LRRC9: variants seen among roughly 807,000 people sequenced by gnomAD.
LRRC9 encodes leucine-rich repeat-containing protein 9.
A neutral mutation model predicts 63.2 loss-of-function variants in LRRC9; 122 were observed. The observed-to-expected ratio is 1.93, with a 90% confidence interval of 1.67 to 2.24. The LOEUF (loss-of-function observed/expected upper bound fraction) is 2.24, where lower values mean the gene tolerates loss of function less well. Ranked by LOEUF, LRRC9 falls within the 30% of genes most tolerant of loss-of-function variation. LRRC9 has a pLI of 0.00. For synonymous variants in LRRC9, 366 were observed against 213.1 expected (o/e 1.72, Z -6.25); for missense variants, 1,071 against 627.7 (o/e 1.71, Z -7.55).
intron 13 of LRRC9, among the ~76,000 whole-genome samples, chr14:59,975,860 T>C (rs1178024330): frequency 6.6e-6 from 1 of 152,196 alleles, no homozygotes; most frequent in Non-Finnish European, 1.5e-5. Flanking sequence ...CTCCAACCCC[T>C]GCCCACAGAC....
chr14:59,978,048 C>T (rs758407756), exon 15 of LRRC9: 30 of 701,206 alleles, frequency 4.3e-5, no homozygotes, highest in South Asian at 3.1e-4. Flanking sequence ...ACTGTGATTG[C>T]AGTGTTCGGC....
In LRRC9 at chr14:59,958,672, C is replaced by T. The variant is rs529359173; in HGVS notation, c.883-1146C>T. Among the ~76,000 whole-genome samples the T allele has an allele frequency of 3.9e-4, 60 of 152,266 alleles. No homozygotes were observed. In the South Asian group the frequency reaches 6.6e-3, roughly 17 times the overall value. On this transcript the variant is annotated intron_variant, in intron 8 of 31. Transcript: ENST00000445360. This position sits in a 1 kb window ranked among gnomAD's most constrained non-coding sequence, Gnocchi z 4.0. ...TGGGGTTCCAGGTTACCCTGCGGTA[C>T]GAAAAAATACTCCTGCAGCTAGCTC...
At chr14:59,943,220 G>GTATTAGTCATAAAA (rs149444182) in intron 7 of LRRC9, among the ~76,000 whole-genome samples, 2,163 of 152,072 alleles carry the variant, frequency 0.014, 51 homozygotes, top group East Asian at 0.058. Flanking sequence ...TGCTTTTGAA[G>GTATTAGTCATAAAA]TATTTGCCTA....
intron 21 of LRRC9, among the ~76,000 whole-genome samples, chr14:60,006,048 G>A (rs552643552): frequency 6.6e-6 from 1 of 152,202 alleles, no homozygotes; most frequent in Admixed American, 6.5e-5. Context: ...TTTGAGCTTT[G>A]TGTAGAGCTT....
chr14:60,012,394 G>T (rs1401362352), intron 23 of LRRC9, among the ~76,000 whole-genome samples: 1 of 152,122 alleles, frequency 6.6e-6, no homozygotes, highest in Non-Finnish European at 1.5e-5. Flanking sequence ...AAGACCCAAA[G>T]AACAATTTGG....
chr14:60,008,032 A>C (rs1048805746), intron 22 of LRRC9, 60 bp from the exon 23 acceptor site: 11 of 510,510 alleles, frequency 2.2e-5, no homozygotes, highest in Admixed American at 3.5e-5. Flanking sequence ...AGGATGGCTA[A>C]CCTCTTACTA....
rs219342 is a variant in LRRC9 at position 59,985,098 on chromosome 14, G to A, written c.2092-7G>A. On this transcript the variant is annotated splice_polypyrimidine_tract_variant and splice_region_variant and intron_variant, in intron 16 of 31. Transcript: ENST00000445360. ...TATTTTTTAATGTATATTTTATTTTGCTTCAGAGTCTGAATCTACATGGAA... is the reference window on the plus strand; with the variant it reads ...TATTTTTTAATGTATATTTTATTTTACTTCAGAGTCTGAATCTACATGGAA... The A allele has an allele frequency of 0.8, 521,724 of 655,984 alleles. 212,886 individuals are homozygous for A. The highest frequency in any genetic ancestry group is 0.86 in the Non-Finnish European group (312,110 of 361,076). The allele number at this position is 655,984 out of a possible 1,614,324, so 40.6% of individuals were successfully genotyped here. A position where few individuals can be genotyped will look rare whatever the true frequency, so the allele number is the denominator to read the frequency against.
chr14:59,924,077 A>C (rs1301111431), intron 1 of LRRC9, among the ~76,000 whole-genome samples: 1 of 152,246 alleles, frequency 6.6e-6, no homozygotes, highest in African/African-American at 2.4e-5. Context: ...AAAGAGAATG[A>C]TTTAATTCCT....
At position 59,926,570 on chromosome 14, in the gene LRRC9, TAC is replaced by T. The variant is rs561973369; in HGVS notation, c.-33-1339_-33-1338del. Among the ~76,000 whole-genome samples the T allele has an allele frequency of 1.6e-4, 25 of 152,264 alleles. No individual in the cohort carries two copies. The South Asian group carries it at 5.2e-3, about 32-fold the overall frequency. ...CATAACCAGCACCTAGATCAAATAATACATTGTTATGAACACTCTATAAGCCC... is the reference window on the plus strand; with the variant it reads ...CATAACCAGCACCTAGATCAAATAATATTGTTATGAACACTCTATAAGCCC... On this transcript the variant is annotated intron_variant, in intron 1 of 31. Coordinates refer to ENST00000445360, the Ensembl canonical transcript of LRRC9.
chr14:59,991,850 G>A (rs1370401948), intron 17 of LRRC9, among the ~76,000 whole-genome samples: 1 of 152,200 alleles, frequency 6.6e-6, no homozygotes, highest in East Asian at 1.9e-4. Context: ...ACAGCTCAAG[G>A]AGGCCTGCCT....
chr14:59,938,894 CAT>C lies in LRRC9; in HGVS notation c.726+330_726+331del, dbSNP rs1182316988. ...ATATATATATACACACATATATACACATATATATACATATATACACATATGCA... is the reference window on the plus strand; with the variant it reads ...ATATATATATACACACATATATACACATATATACATATATACACATATGCA... On this transcript the variant is annotated intron_variant, in intron 7 of 31. Transcript: ENST00000445360. This position sits in a 1 kb window ranked among gnomAD's most constrained non-coding sequence, Gnocchi z 4.2. Among the ~76,000 whole-genome samples, 9 of 119,206 alleles carry C rather than the reference CAT, an allele frequency of 7.5e-5. No individual in the cohort carries two copies. The highest frequency in any genetic ancestry group is 2.6e-4 in the East Asian group (1 of 3,906). 78.2% of individuals were successfully genotyped at this position (119,206 alleles called of 152,430 possible). A position where few individuals can be genotyped will look rare whatever the true frequency, so the allele number is the denominator to read the frequency against.
At chr14:59,976,987 G>T (rs1886356318) in intron 13 of LRRC9, among the ~76,000 whole-genome samples, 1 of 152,086 alleles carries the variant, frequency 6.6e-6, no homozygotes, top group Non-Finnish European at 1.5e-5. Context: ...GTAAAGCTTT[G>T]CTTGATATAA....
rs574924913 is a variant in LRRC9 at position 59,929,990 on chromosome 14, T to A, written c.268-928T>A. Among the ~76,000 whole-genome samples, 8 of 152,066 alleles carry A rather than the reference T, an allele frequency of 5.3e-5. No individual in the cohort carries two copies. In the South Asian group the frequency reaches 1.7e-3, roughly 32 times the overall value. The stretch of plus-strand genomic sequence containing the variant: ...GGTACTATGCTTAATACGTGGGTGA[T>A]AAAGTAATCTGTACAACAAACCCCC... On this transcript the variant is annotated intron_variant, in intron 3 of 31. Coordinates refer to ENST00000445360, the Ensembl canonical transcript of LRRC9.
At position 59,986,567 on chromosome 14, in the gene LRRC9, A is replaced by C. The variant is rs1391482031; in HGVS notation, c.2211+1343A>C. 6.6e-6 allele frequency among the ~76,000 whole-genome samples: 1 copy of C among 152,202 alleles called. No individual in the cohort carries two copies. The highest frequency in any genetic ancestry group is 1.5e-5 in the Non-Finnish European group (1 of 68,018). On this transcript the variant is annotated intron_variant, in intron 17 of 31. Coordinates refer to ENST00000445360, the Ensembl canonical transcript of LRRC9. The surrounding 1 kb of genome is among the most constrained non-coding windows in gnomAD (Gnocchi z 4.7). ...AAAAAGGTATTTTAGAAGAGGTCTC[A>C]GGACTGTATGTAGATTGTTGGTATT...
intron 23 of LRRC9, among the ~76,000 whole-genome samples, chr14:60,009,422 A>G (rs978568662): frequency 1.8e-4 from 28 of 152,228 alleles, no homozygotes; most frequent in Admixed American, 1.7e-3. Flanking sequence ...TAAAACCATC[A>G]GATCTCATGA....
intron 16 of LRRC9, among the ~76,000 whole-genome samples, chr14:59,982,701 G>A (rs892603578): frequency 2.6e-5 from 4 of 152,194 alleles, no homozygotes; most frequent in African/African-American, 9.7e-5. Flanking sequence ...CTATTATCAT[G>A]TTAACATGGA....
chr14:60,035,840 GT>G (rs1438253495), intron 29 of LRRC9, among the ~76,000 whole-genome samples: 1 of 151,992 alleles, frequency 6.6e-6, no homozygotes, highest in Admixed American at 6.6e-5. Flanking sequence ...TTTAGGATTT[GT>G]TTTTTTATTT....
intron 29 of LRRC9, among the ~76,000 whole-genome samples, chr14:60,040,333 T>G (rs1344847399): frequency 6.6e-6 from 1 of 151,936 alleles, no homozygotes. Context: ...TTCTGTCTCG[T>G]TGATCTGTCT....
In LRRC9 at chr14:59,930,355, G is replaced by T. The variant is rs1039778427; in HGVS notation, c.268-563G>T. Among the ~76,000 whole-genome samples, 1 of 151,882 alleles carries T rather than the reference G, an allele frequency of 6.6e-6. No homozygotes were observed. Among genetic ancestry groups the T allele is most frequent in the Non-Finnish European group, 1.5e-5 (1 of 67,912 alleles). On this transcript the variant is annotated intron_variant, in intron 3 of 31. Coordinates refer to ENST00000445360, the Ensembl canonical transcript of LRRC9. This position sits in a 1 kb window ranked among gnomAD's most constrained non-coding sequence, Gnocchi z 4.9. Reference sequence around the variant, plus strand: ...TCCTAGAAAAGTTAACTCAATAGCAGAAAACAACCATATGCACGAAGCTAC... The same window carrying T: ...TCCTAGAAAAGTTAACTCAATAGCATAAAACAACCATATGCACGAAGCTAC...
Sources: gnomAD v4.1 joint callset for allele counts (sites outside exome capture counted in the v4.1 genomes callset) on GRCh38, gnomAD v4.1.1 for gene constraint, Gnocchi (gnomAD v3.1) non-coding constraint, MANE v1.5 for transcripts, NCBI Gene and HGNC (gene_info 2026-07-23, HGNC 2026-07-21) for gene names.